The following HECW1 variants were observed in gnomAD, a reference collection of about 807,000 sequenced individuals.
HECW1 encodes HECT, C2 and WW domain containing E3 ubiquitin protein ligase 1.
HECW1 carries 61 observed loss-of-function variants against 182.3 expected under a neutral mutation model. That is an observed-to-expected ratio of 0.33 (90% CI 0.27 to 0.41). The LOEUF is 0.41. Ranked by LOEUF, HECW1 falls within the 10% of genes least tolerant of loss-of-function variation. The probability of loss-of-function intolerance (pLI) is 1.00; values close to 1 mark genes in which losing one functional copy is unlikely to be tolerated. For synonymous variants in HECW1, 859 were observed against 832.6 expected (o/e 1.03, Z -0.55); for missense variants, 1,739 against 2,108.9 (o/e 0.82, Z 3.44).
rs193084889 is a variant in HECW1, at chr7:43,491,390, G to T, written c.3235-685G>T. On this transcript the variant is annotated intron_variant, in intron 17 of 29. Coordinates refer to ENST00000395891, the MANE Select transcript of HECW1 (RefSeq NM_015052.5). ...GCCAGCACAGTGAATGCAATAACAG[G>T]CATTCAAGAAAGAATGAATGTAATC... is the stretch of plus-strand genomic sequence containing the variant. Among the ~76,000 whole-genome samples the T allele has an allele frequency of 3.9e-5, 6 of 152,270 alleles. No homozygotes were observed. The South Asian group carries it at 8.3e-4, about 21-fold the overall frequency.
At chr7:43,548,249 T>G (rs931829496) in intron 26 of HECW1, among the ~76,000 whole-genome samples, 2 of 152,114 alleles carry the variant, frequency 1.3e-5, no homozygotes, top group African/African-American at 4.8e-5. Flanking sequence ...TCTAACTTTT[T>G]TTTTCATTTT....
At chr7:43,501,179 C>CTTTTT in intron 20 of HECW1, 34 bp from the exon 21 acceptor site, 2 of 1,091,948 alleles carry the variant, frequency 1.8e-6, no homozygotes, top group South Asian at 1.7e-5. Context: ...ACTTTCTTTT[C>CTTTTT]TTTCTTTTTT....
At chr7:43,251,959 G>C (rs1800081697) in intron 3 of HECW1, among the ~76,000 whole-genome samples, 1 of 152,122 alleles carries the variant, frequency 6.6e-6, no homozygotes, top group Non-Finnish European at 1.5e-5. Flanking sequence ...GCTCTGGGGG[G>C]GTACATTCCA....
In HECW1 at chr7:43,545,955, A is replaced by C. The variant is rs1475666019; in HGVS notation, c.4248+3957A>C. ...CTATATAGTACCAATCCTTTGCTTT[A>C]GTTTCAGTGCCCATATCTAGAAAGG... On this transcript the variant is annotated intron_variant, in intron 26 of 29. Coordinates refer to ENST00000395891, the MANE Select transcript of HECW1 (RefSeq NM_015052.5). Among the ~76,000 whole-genome samples, 5 of 152,118 alleles carry C rather than the reference A, an allele frequency of 3.3e-5. No homozygotes were observed. The South Asian group carries it at 1.0e-3, about 32-fold the overall frequency.
intron 6 of HECW1, among the ~76,000 whole-genome samples, chr7:43,364,744 A>G (rs553826553): frequency 1.3e-5 from 2 of 152,336 alleles, no homozygotes; most frequent in South Asian, 4.1e-4. Context: ...TATTGTCCCT[A>G]TATATCTTCC....
chr7:43,403,420 C>T (rs1348756228), intron 7 of HECW1, among the ~76,000 whole-genome samples: 1 of 152,148 alleles, frequency 6.6e-6, no homozygotes, highest in Non-Finnish European at 1.5e-5. Context: ...TATGCAGATT[C>T]GTCTGGTGCT....
At chr7:43,136,046 A>C (rs1340049245) in intron 2 of HECW1, among the ~76,000 whole-genome samples, 1 of 150,372 alleles carries the variant, frequency 6.7e-6, no homozygotes, top group South Asian at 2.1e-4. Context: ...AATTCTTAGA[A>C]TTGCACTCCC....
In HECW1 at chr7:43,307,525, G is replaced by A. The variant is rs151176413; in HGVS notation, c.28-4238G>A. 5.3e-5 allele frequency among the ~76,000 whole-genome samples: 8 copies of A among 152,224 alleles called. 1 individual carries two copies. In the East Asian group the frequency reaches 1.5e-3, roughly 29 times the overall value. ...AAGAATGGTGGAGTTGTAAGACATT[G>A]GAATCACTGTCTAGGAAGACAGTGG... On this transcript the variant is annotated intron_variant, in intron 3 of 29. Transcript: ENST00000395891.
intron 6 of HECW1, among the ~76,000 whole-genome samples, chr7:43,391,380 G>A (rs963467489): frequency 6.6e-6 from 1 of 152,156 alleles, no homozygotes; most frequent in African/African-American, 2.4e-5. Flanking sequence ...AGAAATAGCA[G>A]CCTGACCCTC....
chr7:43,268,599 A>G (rs1322053676), intron 3 of HECW1, among the ~76,000 whole-genome samples: 5 of 152,208 alleles, frequency 3.3e-5, no homozygotes, highest in African/African-American at 9.7e-5. Flanking sequence ...AAATGTTACC[A>G]GTGCCAACAC....
chr7:43,541,210 AC>A lies in HECW1; in HGVS notation c.4069del (p.Leu1357PhefsTer15). ...CTGGGTCTGGCTCTGATCCATCAGT[AC>A]CTTCTTGACGCTTTCTTCACGAGGC... ...RILGLALIHQ[Y>X]LLDAFFTRPF... is the part of the protein sequence containing the mutation. On this transcript the variant is annotated frameshift_variant, in exon 25 of 30. Transcript: ENST00000395891. LOFTEE classifies it high-confidence loss of function. The A allele has an allele frequency of 6.2e-7, 1 of 1,614,148 alleles. No homozygotes were observed. The highest frequency in any genetic ancestry group is 8.5e-7 in the Non-Finnish European group (1 of 1,180,014).
chr7:43,518,042 C>T (rs146967351), intron 24 of HECW1, among the ~76,000 whole-genome samples: 18 of 151,954 alleles, frequency 1.2e-4, no homozygotes, highest in East Asian at 1.2e-3. Flanking sequence ...TTTGAAAATA[C>T]GTGAAAAAAA....
chr7:43,507,281 T>G, intron 22 of HECW1, 24 bp downstream of exon 22: 1 of 1,608,954 alleles, frequency 6.2e-7, no homozygotes, highest in Non-Finnish European at 8.5e-7. Context: ...TGCTTGGCAC[T>G]GAATTCAGAC....
intron 16 of HECW1, among the ~76,000 whole-genome samples, chr7:43,471,949 C>T (rs979260256): frequency 7.2e-5 from 11 of 152,068 alleles, no homozygotes; most frequent in Admixed American, 4.6e-4. Flanking sequence ...ATTTAAAAGA[C>T]ATCTATTCAT....
intron 5 of HECW1, 149 bp downstream of exon 5, chr7:43,320,891 T>A: frequency 1.5e-6 from 1 of 673,144 alleles, no homozygotes; most frequent in Admixed American, 2.3e-5. Flanking sequence ...TAAAAAGATG[T>A]TCAGTAGTAA....
chr7:43,372,346 AG>A (rs2074141713), intron 6 of HECW1, among the ~76,000 whole-genome samples: 1 of 152,090 alleles, frequency 6.6e-6, no homozygotes. Flanking sequence ...TTACTAACAA[AG>A]GGTTATTTTC....
intron 17 of HECW1, among the ~76,000 whole-genome samples, chr7:43,485,928 A>T (rs2078615581): frequency 1.3e-5 from 2 of 152,148 alleles, no homozygotes; most frequent in Non-Finnish European, 2.9e-5. Flanking sequence ...TTACATTTGT[A>T]TACATGTGCC....
intron 24 of HECW1, chr7:43,509,977 T>C (rs939490919): frequency 5.3e-5 from 8 of 152,316 alleles, no homozygotes; most frequent in Non-Finnish European, 1.0e-4. Flanking sequence ...ATAACCCACC[T>C]GTGCTAAGGC....
At chr7:43,390,558 A>C (rs2074987550) in intron 6 of HECW1, among the ~76,000 whole-genome samples, 1 of 151,776 alleles carries the variant, frequency 6.6e-6, no homozygotes, top group Admixed American at 6.6e-5. Context: ...ACAAAAAAAA[A>C]ACAGCAGAGT....
Sources: allele counts gnomAD v4.1 joint callset (sites outside exome capture counted in the v4.1 genomes callset), GRCh38; gene constraint gnomAD v4.1.1; transcripts MANE v1.5; gene names NCBI Gene and HGNC (gene_info 2026-07-23, HGNC 2026-07-21).